Variants in SGCZ observed in about 807,000 individuals in gnomAD.
SGCZ encodes zeta-sarcoglycan.
In SGCZ, 40 loss-of-function variants were observed where a neutral mutation model predicts 41.3. That is an observed-to-expected ratio of 0.97 (90% CI 0.75 to 1.26). SGCZ has a LOEUF of 1.26. Ranked by LOEUF, SGCZ falls within the 50% of genes most tolerant of loss-of-function variation. The probability of loss-of-function intolerance (pLI) is 0.00; values close to 1 mark genes in which losing one functional copy is unlikely to be tolerated. For synonymous variants in SGCZ, 206 were observed against 137.5 expected (o/e 1.50, Z -3.49); for missense variants, 552 against 369.8 (o/e 1.49, Z -4.04).
intron 1 of SGCZ, among the ~76,000 whole-genome samples, chr8:15,111,830 T>A (rs1362990423): frequency 6.7e-6 from 1 of 149,036 alleles, no homozygotes; most frequent in Non-Finnish European, 1.5e-5. Flanking sequence ...AACCAGGGAG[T>A]CAGAGGTAGC....
chr8:15,228,368 C>T (rs1034074170), intron 1 of SGCZ, among the ~76,000 whole-genome samples: 5 of 152,102 alleles, frequency 3.3e-5, no homozygotes, highest in East Asian at 1.9e-4. Context: ...CATTAAGACA[C>T]GACACTGTGC....
At chr8:14,406,950 A>G (rs1337350960) in intron 2 of SGCZ, among the ~76,000 whole-genome samples, 3 of 152,006 alleles carry the variant, frequency 2.0e-5, no homozygotes, top group East Asian at 1.9e-4. Flanking sequence ...TCGCTTTAGA[A>G]TTCTTTCACG....
chr8:14,577,374 A>T (rs1804742170), intron 1 of SGCZ, among the ~76,000 whole-genome samples: 2 of 151,232 alleles, frequency 1.3e-5, no homozygotes, highest in South Asian at 4.1e-4. Flanking sequence ...AAGAAAGAAA[A>T]GAAATATATC....
intron 5 of SGCZ, among the ~76,000 whole-genome samples, chr8:14,140,349 G>T (rs1487584684): frequency 6.6e-6 from 1 of 152,082 alleles, no homozygotes; most frequent in Non-Finnish European, 1.5e-5. Context: ...GAAAGAAAGG[G>T]TATTCAATTA....
chr8:14,344,533 C>A (rs530484923), intron 2 of SGCZ, among the ~76,000 whole-genome samples: 8 of 152,072 alleles, frequency 5.3e-5, no homozygotes, highest in Non-Finnish European at 1.2e-4. Flanking sequence ...AAGAAATTAA[C>A]GACCAACCTA....
chr8:14,116,927 G>A (rs1802541360), intron 5 of SGCZ, among the ~76,000 whole-genome samples: 1 of 151,990 alleles, frequency 6.6e-6, no homozygotes, highest in African/African-American at 2.4e-5. Flanking sequence ...TTTCTTAGAG[G>A]AATTTCAAGC....
chr8:15,155,031 C>T (rs1799289403), intron 1 of SGCZ, among the ~76,000 whole-genome samples: 1 of 152,174 alleles, frequency 6.6e-6, no homozygotes. Context: ...GTAGCTCACC[C>T]CTGAGATCCC....
At chr8:14,410,308 A>C (rs1049338992) in intron 2 of SGCZ, among the ~76,000 whole-genome samples, 1 of 151,958 alleles carries the variant, frequency 6.6e-6, no homozygotes, top group South Asian at 2.1e-4. Flanking sequence ...ATTATAAGAC[A>C]CTGGTCTTAA....
chr8:14,318,377 C>G (rs916909783), intron 3 of SGCZ, among the ~76,000 whole-genome samples: 72 of 151,824 alleles, frequency 4.7e-4, no homozygotes, highest in African/African-American at 1.7e-3. Flanking sequence ...GAACAACCAA[C>G]AATTTCATAA....
chr8:14,704,800 A>AAAC (rs953428105), intron 1 of SGCZ, among the ~76,000 whole-genome samples: 2 of 151,948 alleles, frequency 1.3e-5, no homozygotes, highest in Admixed American at 6.6e-5. Flanking sequence ...ACAAAAAAAC[A>AAAC]AACAACAACA....
chr8:14,451,742 T>C (rs147463470), intron 2 of SGCZ, among the ~76,000 whole-genome samples: 71 of 152,284 alleles, frequency 4.7e-4, no homozygotes, highest in African/African-American at 1.6e-3. Flanking sequence ...ATATAAAAAA[T>C]GTCCAACATT....
chr8:15,156,310 C>T (rs755306661), intron 1 of SGCZ, among the ~76,000 whole-genome samples: 9 of 152,012 alleles, frequency 5.9e-5, no homozygotes, highest in Non-Finnish European at 8.8e-5. Flanking sequence ...AAAGTTCCTA[C>T]GCAGAAATAA....
chr8:14,273,363 T>C (rs894269184), intron 3 of SGCZ, among the ~76,000 whole-genome samples: 3 of 152,110 alleles, frequency 2.0e-5, no homozygotes, highest in African/African-American at 7.2e-5. Context: ...AGTTTTGAAA[T>C]GTGAGCACAA....
chr8:14,110,435 T>G (rs1346478488), intron 5 of SGCZ, among the ~76,000 whole-genome samples: 2 of 152,128 alleles, frequency 1.3e-5, no homozygotes, highest in Non-Finnish European at 2.9e-5. Flanking sequence ...TAACAGAATG[T>G]CATCAAAGTT....
chr8:14,416,173 C>T (rs1461881), intron 2 of SGCZ, among the ~76,000 whole-genome samples: 103,485 of 151,632 alleles, frequency 0.68, 35,432 homozygotes, highest in East Asian at 0.83. Context: ...CGCACACACT[C>T]ACACACACTT....
chr8:14,354,527 T>C (rs956814369), intron 2 of SGCZ, among the ~76,000 whole-genome samples: 1 of 151,732 alleles, frequency 6.6e-6, no homozygotes, highest in Non-Finnish European at 1.5e-5. Context: ...AACACAGTAA[T>C]ATTCCAATAT....
At chr8:15,165,228 A>G (rs59511154) in intron 1 of SGCZ, among the ~76,000 whole-genome samples, 15,160 of 152,184 alleles carry the variant, frequency 0.1, 807 homozygotes, top group Middle Eastern at 0.12. Context: ...CAGAGGTTGC[A>G]GTGAGCCGAG....
chr8:14,541,635 G>T (rs550116590), intron 2 of SGCZ, among the ~76,000 whole-genome samples: 103 of 152,064 alleles, frequency 6.8e-4, no homozygotes, highest in African/African-American at 2.5e-3. Context: ...ATAATCCTTT[G>T]GGTATATGCC....
rs1292844018 is a variant in SGCZ, at chr8:14,167,138, T to G, written c.425-2436A>C. On this transcript the variant is annotated intron_variant, in intron 4 of 7. Transcript: ENST00000382080. ...CTGCAAATGGAAAATGATATGTTCT[T>G]GGGGATATAGTCAATTATTAGGGAT... Among the ~76,000 whole-genome samples the G allele has an allele frequency of 2.0e-5, 3 of 152,310 alleles. No homozygotes were observed. The East Asian group carries it at 5.8e-4, about 29-fold the overall frequency.
Sources: gnomAD v4.1 joint callset for allele counts (sites outside exome capture counted in the v4.1 genomes callset) on GRCh38, gnomAD v4.1.1 for gene constraint, MANE v1.5 for transcripts, NCBI Gene and HGNC (gene_info 2026-07-23, HGNC 2026-07-21) for gene names.